The following CLUAP1 variants were observed in gnomAD, a reference collection of about 807,000 sequenced individuals.
CLUAP1 encodes the protein clusterin-associated protein 1.
CLUAP1 carries 50 observed loss-of-function variants against 55.0 expected under a neutral mutation model. The ratio of observed to expected loss-of-function variants is 0.91; its 90% CI spans 0.72 to 1.15. CLUAP1 has a LOEUF of 1.15. Ranked by LOEUF, CLUAP1 falls within the 50% of genes most tolerant of loss-of-function variation. The pLI is 0.00. For synonymous variants in CLUAP1, 195 were observed against 175.4 expected (o/e 1.11, Z -0.88); for missense variants, 530 against 507.6 (o/e 1.04, Z -0.42).
chr16:3,504,718 A>G lies in CLUAP1; in HGVS notation c.23-2A>G, dbSNP rs2037469246. The G allele has an allele frequency of 1.3e-6, 2 of 1,543,506 alleles. No homozygotes were observed. Among genetic ancestry groups the G allele is most frequent in the South Asian group, 2.2e-5 (2 of 89,650 alleles). On this transcript the variant is annotated splice_acceptor_variant, in intron 1 of 11. Coordinates refer to ENST00000576634, the MANE Select transcript of CLUAP1 (RefSeq NM_015041.3). LOFTEE classifies it high-confidence loss of function. ...GAATGAATTGTATTTTTCCTTGGAC[A>G]GATTTCACAGAGATGATGAGAGCCC...
rs1374668643 is a variant in CLUAP1 at position 3,529,684 on chromosome 16, TTATTATA to T, written c.929-860_929-854del. Among the ~76,000 whole-genome samples, 33 of 6,936 alleles carry T rather than the reference TTATTATA, an allele frequency of 4.8e-3. 1 individual carries two copies. The highest frequency in any genetic ancestry group is 7.6e-3 in the Non-Finnish European group (33 of 4,322). 4.6% of individuals were successfully genotyped at this position (6,936 alleles called of 152,430 possible). A position where few individuals can be genotyped will look rare whatever the true frequency, so the allele number is the denominator to read the frequency against. ...ATTATATATTATTATATATTATATA[TTATTATA>T]TATTATATATTATATATTATATAAT... On this transcript the variant is annotated intron_variant, in intron 9 of 11. Coordinates refer to ENST00000576634, the MANE Select transcript of CLUAP1 (RefSeq NM_015041.3).
At chr16:3,532,881 G>C (rs1194702372) in intron 11 of CLUAP1, 40 bp downstream of exon 11, 1 of 1,607,730 alleles carries the variant, frequency 6.2e-7, no homozygotes, top group Admixed American at 1.7e-5. Context: ...GTGCACTCTG[G>C]GTTTGGCTGT....
intron 8 of CLUAP1, among the ~76,000 whole-genome samples, chr16:3,524,596 C>CAAAAAA (rs755040158): frequency 7.0e-3 from 230 of 33,004 alleles, no homozygotes; most frequent in Non-Finnish European, 9.4e-3. Context: ...GACACCATCT[C>CAAAAAA]AAAAAAAAAA....
chr16:3,500,358 T>A (rs1050225490), upstream of CLUAP1, among the ~76,000 whole-genome samples: 17 of 149,024 alleles, frequency 1.1e-4, no homozygotes, highest in Non-Finnish European at 2.2e-4. Context: ...GCTTCCTGAG[T>A]ATAGTGCATT....
At chr16:3,531,352 C>T (rs761380607) in intron 10 of CLUAP1, among the ~76,000 whole-genome samples, 2 of 152,080 alleles carry the variant, frequency 1.3e-5, no homozygotes, top group African/African-American at 4.8e-5. Flanking sequence ...AACCCCGTCT[C>T]TACTAAAAAT....
intron 6 of CLUAP1, 118 bp from the exon 7 acceptor site, chr16:3,519,785 T>A (rs560534200): frequency 1.0e-6 from 1 of 988,304 alleles, no homozygotes; most frequent in East Asian, 2.7e-5. Flanking sequence ...GTCTATTTGT[T>A]TGCTTTTGTG....
intron 10 of CLUAP1, among the ~76,000 whole-genome samples, chr16:3,531,191 A>G (rs1393207276): frequency 6.6e-6 from 1 of 151,990 alleles, no homozygotes; most frequent in Non-Finnish European, 1.5e-5. Context: ...GTGAATATCC[A>G]CTGCATTCCG....
chr16:3,500,287 C>T (rs1159799455), upstream of CLUAP1, among the ~76,000 whole-genome samples: 4 of 152,362 alleles, frequency 2.6e-5, no homozygotes, highest in East Asian at 7.7e-4. Context: ...GTGATCCCGT[C>T]CTCCGCTCGG....
intron 11 of CLUAP1, 37 bp downstream of exon 11, chr16:3,532,878 C>G (rs763102640): frequency 6.2e-7 from 1 of 1,606,062 alleles, no homozygotes; most frequent in Non-Finnish European, 8.5e-7. Context: ...TCTGTGCACT[C>G]TGGGTTTGGC....
rs2151063730 is a variant in CLUAP1 at position 3,526,515 on chromosome 16, A to T, written c.928+31A>T. On this transcript the variant is annotated intron_variant, in intron 9 of 11. Coordinates refer to ENST00000576634, the MANE Select transcript of CLUAP1 (RefSeq NM_015041.3). ...GCTGGGCTTCGTAGACGAGCAGTTT[A>T]CTCTGGACTAGTATTTTCAGCCTTG... 4 of 1,486,364 alleles carry T rather than the reference A, an allele frequency of 2.7e-6. No individual in the cohort carries two copies. The South Asian group carries it at 5.0e-5, about 19-fold the overall frequency. 92.1% of individuals were successfully genotyped at this position (1,486,364 alleles called of 1,614,324 possible).
At chr16:3,503,806 G>A (rs183318682) in intron 1 of CLUAP1, among the ~76,000 whole-genome samples, 40 of 152,222 alleles carry the variant, frequency 2.6e-4, no homozygotes, top group African/African-American at 7.7e-4. Flanking sequence ...CAGTTACAGA[G>A]TCCCTTTGTG....
At chr16:3,523,754 C>A (rs953425703) in intron 8 of CLUAP1, among the ~76,000 whole-genome samples, 1 of 152,138 alleles carries the variant, frequency 6.6e-6, no homozygotes, top group Non-Finnish European at 1.5e-5. Context: ...CACTTGAGGT[C>A]AGGAGTTTGA....
chr16:3,505,984 G>C (rs976418040), intron 2 of CLUAP1, among the ~76,000 whole-genome samples: 1 of 152,186 alleles, frequency 6.6e-6, no homozygotes, highest in African/African-American at 2.4e-5. Context: ...CACCAACTCT[G>C]CTGCTGCTTA....
At chr16:3,502,399 G>A (rs1203765892) in intron 1 of CLUAP1, among the ~76,000 whole-genome samples, 1 of 150,810 alleles carries the variant, frequency 6.6e-6, no homozygotes, top group African/African-American at 2.4e-5. Flanking sequence ...AGCCAAGATG[G>A]CACCACTGCG....
upstream of CLUAP1, among the ~76,000 whole-genome samples, chr16:3,500,738 C>G (rs1248973727): frequency 6.6e-6 from 1 of 152,200 alleles, no homozygotes; most frequent in African/African-American, 2.4e-5. Flanking sequence ...AGCGCAATAT[C>G]AAGCACGTAG....
At chr16:3,520,082 G>C in intron 7 of CLUAP1, 46 bp downstream of exon 7, 1 of 1,542,284 alleles carries the variant, frequency 6.5e-7, no homozygotes, top group Non-Finnish European at 8.7e-7. Flanking sequence ...GTCCTGGAAA[G>C]TTCAAACAAA....
chr16:3,510,365 C>T (rs1005986853), intron 4 of CLUAP1, among the ~76,000 whole-genome samples: 1 of 151,830 alleles, frequency 6.6e-6, no homozygotes, highest in Non-Finnish European at 1.5e-5. Flanking sequence ...AAACTCCTGA[C>T]CTCAGGTGAT....
At chr16:3,508,532 A>C in intron 4 of CLUAP1, 64 bp downstream of exon 4, 1 of 1,408,418 alleles carries the variant, frequency 7.1e-7, no homozygotes, top group Non-Finnish European at 9.4e-7. Flanking sequence ...CTGAAGTGGA[A>C]GGAGTCTGCT....
rs1260181634 is a variant in CLUAP1 at position 3,530,560 on chromosome 16, C to T, written c.929-8C>T. On this transcript the variant is annotated splice_polypyrimidine_tract_variant and splice_region_variant and intron_variant, in intron 9 of 11. Transcript: ENST00000576634. ...CTCCTTTGTTTTGCCTGCTTGTGTT[C>T]CTGCTAGGTAACGATGACTCGGACA... 1.2e-6 allele frequency: 2 copies of T among 1,609,478 alleles called. No homozygotes were observed. The highest frequency in any genetic ancestry group is 1.3e-5 in the African/African-American group (1 of 74,946).
Sources: allele counts gnomAD v4.1 joint callset (sites outside exome capture counted in the v4.1 genomes callset), GRCh38; gene constraint gnomAD v4.1.1; transcripts MANE v1.5; gene names NCBI Gene and HGNC (gene_info 2026-07-23, HGNC 2026-07-21).